PFKFB3: variants seen among roughly 807,000 people sequenced by gnomAD.
PFKFB3 encodes 6-phosphofructo-2-kinase/fructose-2,6-biphosphatase 3, also known as 6-phosphofructo-2-kinase/fructose-2,6-bisphosphatase 3.
In PFKFB3, 33 loss-of-function variants were observed where a neutral mutation model predicts 68.0. That is an observed-to-expected ratio of 0.49 (90% CI 0.37 to 0.65). The LOEUF is 0.65. Among genes scored for constraint, PFKFB3 ranks in the 30% least tolerant of loss-of-function variants. The probability of loss-of-function intolerance (pLI) is 0.00; values close to 1 mark genes in which losing one functional copy is unlikely to be tolerated. For missense variants in PFKFB3, 586 were observed against 712.2 expected, an observed-to-expected ratio of 0.82 and a Z score of 2.02; for synonymous variants, 315 against 288.2, an observed-to-expected ratio of 1.09 and a Z score of -0.94.
the PFKFB3 span, among the ~76,000 whole-genome samples, chr10:6,271,549 C>T: frequency 6.6e-6 from 1 of 152,210 alleles, no homozygotes; most frequent in Non-Finnish European, 1.5e-5. Context: ...GCTGATGAAG[C>T]CCAGTGTTTG....
At chr10:6,239,252 A>C (rs17152400), downstream of PFKFB3, among the ~76,000 whole-genome samples, 4,718 of 152,252 alleles carry the variant, frequency 0.031, 193 homozygotes, top group Admixed American at 0.091. Context: ...TTTCAAATGC[A>C]AGGTAGATGC....
In PFKFB3 at chr10:6,213,715, C is replaced by T; in HGVS notation, c.169C>T (p.Arg57Cys). ...GACCTACATCTCCAAGAAGCTGACT[C>T]GCTACCTCAACTGGATTGGCGTCCC... is the stretch of plus-strand genomic sequence containing the variant. ...GKTYISKKLTRYLNWIGVPTK... is the reference protein window; with the variant it reads ...GKTYISKKLTCYLNWIGVPTK... The change falls in exon 2 of 15, where the codon CGC (arginine) becomes TGC (cysteine). Residue 57 changes from arginine to cysteine, a missense_variant. Transcript: ENST00000379775. 1 of 1,613,538 alleles carries T rather than the reference C, an allele frequency of 6.2e-7. No individual in the cohort carries two copies. The highest frequency in any genetic ancestry group is 8.5e-7 in the Non-Finnish European group (1 of 1,179,776).
At chr10:6,305,789 C>T in the PFKFB3 span, among the ~76,000 whole-genome samples, 15 of 152,196 alleles carry the variant, frequency 9.9e-5, no homozygotes, top group South Asian at 2.1e-4. Context: ...CTGCTTCTGT[C>T]AGTTGCCTAG....
At chr10:6,172,460 C>T (rs1428155024) in intron 1 of PFKFB3, among the ~76,000 whole-genome samples, 1 of 152,202 alleles carries the variant, frequency 6.6e-6, no homozygotes, top group African/African-American at 2.4e-5. Flanking sequence ...TCAGAAAGCA[C>T]ATTTAAACAC....
At chr10:6,209,765 C>CTTTTTTT (rs56822740) in intron 1 of PFKFB3, among the ~76,000 whole-genome samples, 9 of 121,246 alleles carry the variant, frequency 7.4e-5, no homozygotes, top group Non-Finnish European at 8.1e-5. Context: ...CTTACCTTTT[C>CTTTTTTT]TTTTTTTTTT....
Position 6,215,213 on chromosome 10 carries a change from G to T in PFKFB3, c.203-8G>T, listed in dbSNP as rs751614980. The stretch of plus-strand genomic sequence containing the variant: ...GATCATCCAGACTGTTCTCTTTCCC[G>T]TCCACAGTGTTCAACGTCGGGGAGT... On this transcript the variant is annotated splice_polypyrimidine_tract_variant and splice_region_variant and intron_variant, in intron 2 of 14. Coordinates refer to ENST00000379775, the MANE Select transcript of PFKFB3 (RefSeq NM_004566.4). This position sits in a 1 kb window ranked among gnomAD's most constrained non-coding sequence, Gnocchi z 4.3. The T allele has an allele frequency of 2.0e-5, 33 of 1,612,332 alleles. No individual in the cohort carries two copies. The highest frequency in any genetic ancestry group is 2.5e-5 in the Non-Finnish European group (30 of 1,178,508).
At chr10:6,208,175 A>G (rs970537590) in intron 1 of PFKFB3, among the ~76,000 whole-genome samples, 8 of 152,214 alleles carry the variant, frequency 5.3e-5, no homozygotes, top group African/African-American at 1.9e-4. Context: ...CCTGGGCTCA[A>G]GCAATCCTGT....
At chr10:6,153,196 GAAAGAAAT>G (rs371769712) in intron 1 of PFKFB3, among the ~76,000 whole-genome samples, 14,733 of 131,330 alleles carry the variant, frequency 0.11, 888 homozygotes, top group Non-Finnish European at 0.15. Flanking sequence ...AAGAAAGAAA[GAAAGAAAT>G]AAGAACAGAG....
chr10:6,171,996 G>A (rs1420852325), intron 1 of PFKFB3, among the ~76,000 whole-genome samples: 1 of 152,202 alleles, frequency 6.6e-6, no homozygotes, highest in East Asian at 1.9e-4. Flanking sequence ...ATGAGTTGGT[G>A]CTTTTCCTCT....
intron 1 of PFKFB3, among the ~76,000 whole-genome samples, chr10:6,148,380 C>T (rs725105): frequency 0.29 from 43,779 of 152,186 alleles, 6,518 homozygotes; most frequent in African/African-American, 0.33. Flanking sequence ...TGGTATGGCA[C>T]GTGGCAGGCA....
the PFKFB3 span, among the ~76,000 whole-genome samples, chr10:6,274,008 C>T: frequency 6.6e-6 from 1 of 151,986 alleles, no homozygotes; most frequent in Non-Finnish European, 1.5e-5. Flanking sequence ...GAGACTGAGA[C>T]CAGCCTGGGC....
intron 1 of PFKFB3, among the ~76,000 whole-genome samples, chr10:6,181,925 G>C (rs1480738740): frequency 6.6e-6 from 1 of 152,058 alleles, no homozygotes; most frequent in Non-Finnish European, 1.5e-5. Context: ...AGAATGGGGA[G>C]CTGGTGTTTA....
intron 14 of PFKFB3, among the ~76,000 whole-genome samples, chr10:6,253,306 G>T (rs1016773782): frequency 6.6e-6 from 1 of 152,210 alleles, no homozygotes; most frequent in Non-Finnish European, 1.5e-5. Flanking sequence ...TTTTGAAAAG[G>T]CTTGACTGTT....
At chr10:6,226,621 C>T (rs1243378170) in intron 14 of PFKFB3, among the ~76,000 whole-genome samples, 2 of 152,158 alleles carry the variant, frequency 1.3e-5, no homozygotes, top group African/African-American at 4.8e-5. Flanking sequence ...ACCGTGACTG[C>T]GTTCGCCTCC....
At chr10:6,260,511 A>G in the PFKFB3 span, among the ~76,000 whole-genome samples, 1 of 152,090 alleles carries the variant, frequency 6.6e-6, no homozygotes, top group Non-Finnish European at 1.5e-5. Context: ...TGTCCCCAGA[A>G]GTAACCACCA....
chr10:6,217,656 A>C (rs2516625), intron 6 of PFKFB3, among the ~76,000 whole-genome samples: 5,283 of 152,204 alleles, frequency 0.035, 280 homozygotes, highest in East Asian at 0.17. Flanking sequence ...CCTCCTGCTG[A>C]TGCATCTCGT....
At chr10:6,323,079 C>G in the PFKFB3 span, among the ~76,000 whole-genome samples, 2 of 152,180 alleles carry the variant, frequency 1.3e-5, no homozygotes, top group Non-Finnish European at 2.9e-5. Flanking sequence ...TTCATCATGA[C>G]CTCGGAGGCC....
At chr10:6,194,481 C>T (rs984664527) in intron 1 of PFKFB3, among the ~76,000 whole-genome samples, 3 of 152,222 alleles carry the variant, frequency 2.0e-5, no homozygotes, top group African/African-American at 4.8e-5. Flanking sequence ...TGCTTTCAAA[C>T]ATTTAAGGGC....
At chr10:6,214,427 G>A (rs2131940899) in intron 2 of PFKFB3, among the ~76,000 whole-genome samples, 1 of 152,266 alleles carries the variant, frequency 6.6e-6, no homozygotes, top group Admixed American at 6.5e-5. Context: ...CAAAAAGGAT[G>A]GGGACTGCTG....
Sources: allele counts gnomAD v4.1 joint callset (sites outside exome capture counted in the v4.1 genomes callset), GRCh38; gene constraint gnomAD v4.1.1; non-coding constraint Gnocchi (gnomAD v3.1); transcripts MANE v1.5; gene names NCBI Gene and HGNC (gene_info 2026-07-23, HGNC 2026-07-21).